Variants in IL17RD observed in about 807,000 individuals in gnomAD.
IL17RD encodes interleukin 17 receptor D, also known as interleukin-17 receptor D.
In IL17RD, 52 loss-of-function variants were observed where a neutral mutation model predicts 80.5. The ratio of observed to expected loss-of-function variants is 0.65; its 90% CI spans 0.52 to 0.81. The LOEUF (loss-of-function observed/expected upper bound fraction) is 0.81, where lower values mean the gene tolerates loss of function less well. Among genes scored for constraint, IL17RD ranks in the 40% least tolerant of loss-of-function variants. IL17RD has a pLI of 0.00. For synonymous variants in IL17RD, 416 were observed against 391.8 expected (o/e 1.06, Z -0.73); for missense variants, 1,024 against 955.1 (o/e 1.07, Z -0.95).
intron 1 of IL17RD, among the ~76,000 whole-genome samples, chr3:57,132,391 C>T (rs553133510): frequency 6.6e-6 from 1 of 152,024 alleles, no homozygotes; most frequent in South Asian, 2.1e-4. Context: ...ACCCAGGAGG[C>T]AGAGGTTGCA....
chr3:57,104,683 G>A lies in IL17RD; in HGVS notation c.748-276C>T, dbSNP rs146998423. Among the ~76,000 whole-genome samples, 148 of 152,252 alleles carry A rather than the reference G, an allele frequency of 9.7e-4. 1 individual carries two copies. Among genetic ancestry groups the A allele is most frequent in the African/African-American group, 3.6e-3 (148 of 41,550 alleles). ...TATTTGATTTGAAGACAAAGAAACTGGTTTGAACAACCTTTACTTAATAAA... is the reference window on the plus strand; with the variant it reads ...TATTTGATTTGAAGACAAAGAAACTAGTTTGAACAACCTTTACTTAATAAA... On this transcript the variant is annotated intron_variant, in intron 7 of 12. Transcript: ENST00000296318.
At chr3:57,099,439 G>C (rs941020068) in intron 11 of IL17RD, among the ~76,000 whole-genome samples, 1 of 152,160 alleles carries the variant, frequency 6.6e-6, no homozygotes, top group Non-Finnish European at 1.5e-5. Flanking sequence ...CTTGGTTATT[G>C]TGTTGATGTC....
At chr3:57,121,450 A>G (rs1707335625) in intron 1 of IL17RD, among the ~76,000 whole-genome samples, 1 of 152,142 alleles carries the variant, frequency 6.6e-6, no homozygotes, top group African/African-American at 2.4e-5. Context: ...GGGAAAGCAC[A>G]ATTGGGCAGA....
chr3:57,135,434 T>A (rs913704521), intron 1 of IL17RD, among the ~76,000 whole-genome samples: 1 of 152,242 alleles, frequency 6.6e-6, no homozygotes, highest in Non-Finnish European at 1.5e-5. Context: ...TCTAGAACTG[T>A]AGGCTTTTCT....
chr3:57,108,673 G>A (rs375445306), intron 5 of IL17RD, among the ~76,000 whole-genome samples: 2 of 151,550 alleles, frequency 1.3e-5, no homozygotes, highest in Non-Finnish European at 2.9e-5. Flanking sequence ...ACACCATGAC[G>A]CCCGGCTAAT....
At chr3:57,162,116 C>A (rs1168186435) in intron 1 of IL17RD, among the ~76,000 whole-genome samples, 2 of 152,250 alleles carry the variant, frequency 1.3e-5, no homozygotes, top group East Asian at 3.8e-4. Flanking sequence ...GGTCTGTTAG[C>A]AGGGCTGCAG....
At chr3:57,117,271 G>A (rs968061376) in intron 2 of IL17RD, among the ~76,000 whole-genome samples, 5 of 151,940 alleles carry the variant, frequency 3.3e-5, no homozygotes, top group Non-Finnish European at 5.9e-5. Context: ...ATGCCACCAC[G>A]CCCAGCTAAT....
intron 1 of IL17RD, among the ~76,000 whole-genome samples, chr3:57,146,537 G>A (rs996918539): frequency 5.3e-5 from 8 of 152,034 alleles, no homozygotes; most frequent in Non-Finnish European, 7.4e-5. Context: ...GATCACCTGT[G>A]GTTGGGAGTT....
chr3:57,102,460 A>C lies in IL17RD; in HGVS notation c.979+19T>G. The C allele has an allele frequency of 7.1e-7, 1 of 1,416,640 alleles. No homozygotes were observed. Among genetic ancestry groups the C allele is most frequent in the Non-Finnish European group, 9.7e-7 (1 of 1,027,852 alleles). 87.8% of individuals were successfully genotyped at this position (1,416,640 alleles called of 1,614,324 possible). A position where few individuals can be genotyped will look rare whatever the true frequency, so the allele number is the denominator to read the frequency against. ...GGCCTGCCCCTTGTTGTGGGGAGAC[A>C]CAGCACACAAAGAGATACCTTGTTG... On this transcript the variant is annotated intron_variant, in intron 10 of 12. Transcript: ENST00000296318.
intron 1 of IL17RD, among the ~76,000 whole-genome samples, chr3:57,128,569 G>T (rs1204509589): frequency 6.6e-6 from 1 of 151,706 alleles, no homozygotes; most frequent in African/African-American, 2.4e-5. Flanking sequence ...ATTCACTAAA[G>T]ATAAAGATAT....
At position 57,096,168 on chromosome 3, in the gene IL17RD, T is replaced by C. The variant is rs917110158; in HGVS notation, c.*225A>G. 3.7e-6 allele frequency: 2 copies of C among 533,370 alleles called. No homozygotes were observed. The highest frequency in any genetic ancestry group is 3.1e-5 in the Admixed American group (1 of 31,998). 33.0% of individuals were successfully genotyped at this position (533,370 alleles called of 1,614,324 possible). A position where few individuals can be genotyped will look rare whatever the true frequency, so the allele number is the denominator to read the frequency against. Reference sequence around the variant, plus strand: ...TTTGGCAAGCTGTTGTCAGACCTTATGGACATGCCTTTCAGAGCTCCATAT... The same window carrying C: ...TTTGGCAAGCTGTTGTCAGACCTTACGGACATGCCTTTCAGAGCTCCATAT... On this transcript the variant is annotated 3_prime_UTR_variant, in exon 13 of 13. Coordinates refer to ENST00000296318, the MANE Select transcript of IL17RD (RefSeq NM_017563.5).
chr3:57,106,702 A>C (rs540776906), intron 5 of IL17RD, among the ~76,000 whole-genome samples: 15 of 152,362 alleles, frequency 9.8e-5, no homozygotes, highest in African/African-American at 3.4e-4. Context: ...TACCAAAGCC[A>C]ATAGCTTTGA....
Position 57,097,852 on chromosome 3 carries a change from G to A in IL17RD, c.1851C>T (p.Asp617=), listed in dbSNP as rs1320025893. Residue 617 remains aspartate, a synonymous_variant, in exon 12 of 13, where the codon GAC becomes GAT. Transcript: ENST00000296318. The part of the protein sequence containing the change: ...AAVLGATGPA[D]SQHESQHGGL... ...CCCCATGCTGACTCTCGTGCTGGGAGTCGGCTGGTCCGGTTGCCCCAAGAA... is the reference window on the plus strand; with the variant it reads ...CCCCATGCTGACTCTCGTGCTGGGAATCGGCTGGTCCGGTTGCCCCAAGAA... 5 of 1,613,162 alleles carry A rather than the reference G, an allele frequency of 3.1e-6. No individual in the cohort carries two copies. In the African/African-American group the frequency reaches 6.7e-5, roughly 22 times the overall value.
At chr3:57,144,979 G>A (rs1313798726) in intron 1 of IL17RD, among the ~76,000 whole-genome samples, 1 of 152,202 alleles carries the variant, frequency 6.6e-6, no homozygotes. Context: ...AAGACAGCTT[G>A]GTGTAAATGG....
Position 57,105,980 on chromosome 3 carries a change from G to C in IL17RD, c.624C>G (p.Ser208Arg). Residue 208 changes from serine (S) to arginine (R), a missense_variant, in exon 7 of 13, where the codon AGC becomes AGG. Ser to Arg is a moderately radical substitution (Grantham distance 110, BLOSUM62 -1). Coordinates refer to ENST00000296318, the MANE Select transcript of IL17RD (RefSeq NM_017563.5). ...PFWKPRNLNI[S>R]QHGSDMQVSF... ...ACACCTGCATGTCCGAGCCATGCTG[G>C]CTGATGTTCAGGTTCCGAGGCTTCC... 6.2e-7 allele frequency: 1 copy of C among 1,613,952 alleles called. No homozygotes were observed. The highest frequency in any genetic ancestry group is 8.5e-7 in the Non-Finnish European group (1 of 1,179,856).
At chr3:57,108,303 C>T (rs1357637469) in intron 5 of IL17RD, among the ~76,000 whole-genome samples, 1 of 151,846 alleles carries the variant, frequency 6.6e-6, no homozygotes, top group African/African-American at 2.4e-5. Context: ...ATCTGCCTGC[C>T]TCGGCCTCCC....
rs1706618824 is a variant in IL17RD at position 57,094,169 on chromosome 3, A to C, written c.*2224T>G. 6.6e-6 allele frequency: 1 copy of C among 152,246 alleles called. No homozygotes were observed. 9.4% of individuals were successfully genotyped at this position (152,246 alleles called of 1,614,324 possible). A position where few individuals can be genotyped will look rare whatever the true frequency, so the allele number is the denominator to read the frequency against. Reference sequence around the variant, plus strand: ...TGCTTAAAACAGATGTTTTGCCGTAATCTGCAGGGCAACGATTCCCATTTC... The same window carrying C: ...TGCTTAAAACAGATGTTTTGCCGTACTCTGCAGGGCAACGATTCCCATTTC... On this transcript the variant is annotated 3_prime_UTR_variant, in exon 13 of 13. Coordinates refer to ENST00000296318, the MANE Select transcript of IL17RD (RefSeq NM_017563.5).
chr3:57,165,199 A>G lies in IL17RD; in HGVS notation c.88T>C (p.Ser30Pro). ...GSQLAVAAGG[S>P]GRARGADTCG... ...GTGTCGGCGCCCCGCGCGCGGCCGG[A>G]CCCGCCAGCGGCCACAGCCAGCTGC... The change falls in exon 1 of 13, where the codon TCC becomes CCC. Residue 30 changes from serine to proline, a missense_variant. Coordinates refer to ENST00000296318, the MANE Select transcript of IL17RD (RefSeq NM_017563.5). The G allele has an allele frequency of 6.5e-7, 1 of 1,527,070 alleles. No homozygotes were observed. Among genetic ancestry groups the G allele is most frequent in the Non-Finnish European group, 8.8e-7 (1 of 1,138,736 alleles). 94.6% of individuals were successfully genotyped at this position (1,527,070 alleles called of 1,614,324 possible).
intron 10 of IL17RD, 128 bp from the exon 11 acceptor site, chr3:57,101,491 C>A (rs1706828762): frequency 8.8e-6 from 5 of 571,424 alleles, no homozygotes; most frequent in Non-Finnish European, 1.5e-5. Flanking sequence ...TCCCCAACTC[C>A]ATCAGCCCCC....
Sources: gnomAD v4.1 joint callset for allele counts (sites outside exome capture counted in the v4.1 genomes callset) on GRCh38, gnomAD v4.1.1 for gene constraint, MANE v1.5 for transcripts, NCBI Gene and HGNC (gene_info 2026-07-23, HGNC 2026-07-21) for gene names.